Variants in DRC8 observed in about 807,000 individuals in gnomAD.
The protein encoded by DRC8 is dynein regulatory complex subunit 8.
At chr1:245,006,952 A>T in the DRC8 span, among the ~76,000 whole-genome samples, 776 of 102,020 alleles carry the variant, frequency 7.6e-3, 3 homozygotes, top group Middle Eastern at 0.025. Flanking sequence ...ACAAACAACA[A>T]CAACAACAAC....
chr1:245,028,993 C>G, the DRC8 span, among the ~76,000 whole-genome samples: 1 of 152,172 alleles, frequency 6.6e-6, no homozygotes, highest in South Asian at 2.1e-4. Context: ...TATGGCTTTT[C>G]TGTAGCGTTC....
At chr1:245,039,758 A>G in the DRC8 span, among the ~76,000 whole-genome samples, 7 of 152,072 alleles carry the variant, frequency 4.6e-5, no homozygotes, top group African/African-American at 1.7e-4. Flanking sequence ...TCTTTTTTAG[A>G]ATGTCCCTCA....
chr1:245,118,616 AC>A, the DRC8 span, among the ~76,000 whole-genome samples: 3 of 151,808 alleles, frequency 2.0e-5, no homozygotes, highest in East Asian at 5.8e-4. Context: ...ACAGGGAGAA[AC>A]CCCGTCTCTA....
At chr1:245,060,694 G>A in the DRC8 span, among the ~76,000 whole-genome samples, 1 of 152,310 alleles carries the variant, frequency 6.6e-6, no homozygotes, top group South Asian at 2.1e-4. Context: ...ACTAGAGGAC[G>A]AATTTACAGC....
the DRC8 span, among the ~76,000 whole-genome samples, chr1:244,985,600 A>G: frequency 6.6e-6 from 1 of 152,184 alleles, no homozygotes; most frequent in Non-Finnish European, 1.5e-5. Flanking sequence ...GTGGTGGCAC[A>G]CACCTGTAAT....
At chr1:245,009,028 CTTTTTTTTTTTT>C in the DRC8 span, among the ~76,000 whole-genome samples, 2 of 64,446 alleles carry the variant, frequency 3.1e-5, no homozygotes, top group Admixed American at 2.6e-4. Context: ...TTATGCTTTT[CTTTTTTTTTTTT>C]TTTTTTTTTT....
chr1:245,059,010 A>C, the DRC8 span, among the ~76,000 whole-genome samples: 12 of 152,330 alleles, frequency 7.9e-5, no homozygotes, highest in East Asian at 2.3e-3. Context: ...ACACTCTGAT[A>C]CTAATGTCAA....
chr1:245,105,379 T>A, the DRC8 span, among the ~76,000 whole-genome samples: 3 of 151,936 alleles, frequency 2.0e-5, no homozygotes, highest in Admixed American at 6.6e-5. Context: ...CCTTCTTCAT[T>A]TATGCAGTGG....
At chr1:245,069,842 G>T in the DRC8 span, among the ~76,000 whole-genome samples, 6 of 152,172 alleles carry the variant, frequency 3.9e-5, no homozygotes, top group African/African-American at 1.4e-4. Flanking sequence ...AGGAGTTCGG[G>T]ACCAGCCTGG....
the DRC8 span, among the ~76,000 whole-genome samples, chr1:245,120,390 C>T: frequency 7.2e-5 from 11 of 152,252 alleles, no homozygotes; most frequent in South Asian, 4.1e-4. Context: ...TATTCTATTG[C>T]GTGAATGTGC....
At chr1:244,978,891 T>G in the DRC8 span, among the ~76,000 whole-genome samples, 1 of 152,164 alleles carries the variant, frequency 6.6e-6, no homozygotes, top group African/African-American at 2.4e-5. Context: ...AAGATTTTGC[T>G]TGTTAGTGTC....
chr1:244,984,812 G>T, the DRC8 span, among the ~76,000 whole-genome samples: 1 of 148,882 alleles, frequency 6.7e-6, no homozygotes, highest in African/African-American at 2.5e-5. Flanking sequence ...TCCAGCCTGG[G>T]CGACAGAGCA....
chr1:245,080,128 AC>A, the DRC8 span, among the ~76,000 whole-genome samples: 2 of 152,180 alleles, frequency 1.3e-5, no homozygotes, highest in Non-Finnish European at 2.9e-5. Flanking sequence ...CTTAGCAGCA[AC>A]CTATAGTTTT....
chr1:245,065,987 T>A, the DRC8 span, among the ~76,000 whole-genome samples: 1 of 152,078 alleles, frequency 6.6e-6, no homozygotes, highest in Non-Finnish European at 1.5e-5. Flanking sequence ...CCCCTAATTT[T>A]AGTTCCTGGT....
the DRC8 span, among the ~76,000 whole-genome samples, chr1:245,094,284 C>T: frequency 6.6e-6 from 1 of 152,130 alleles, no homozygotes; most frequent in Non-Finnish European, 1.5e-5. Context: ...CTCGGAAAAC[C>T]CCCCTGTGCT....
the DRC8 span, among the ~76,000 whole-genome samples, chr1:245,072,214 A>G: frequency 6.6e-6 from 1 of 152,246 alleles, no homozygotes; most frequent in South Asian, 2.1e-4. Context: ...AATGTGGTAC[A>G]TCCAGACAAT....
At chr1:245,071,381 G>A in the DRC8 span, among the ~76,000 whole-genome samples, 2 of 152,182 alleles carry the variant, frequency 1.3e-5, no homozygotes, top group Non-Finnish European at 2.9e-5. Context: ...GTAGAAATAT[G>A]GATGGCAAAG....
At chr1:245,033,799 G>A in the DRC8 span, among the ~76,000 whole-genome samples, 43,177 of 151,658 alleles carry the variant, frequency 0.28, 6,403 homozygotes, top group Middle Eastern at 0.36. Flanking sequence ...TCGGCTCACT[G>A]TAGCCTCTGC....
At chr1:244,977,483 G>A in the DRC8 span, among the ~76,000 whole-genome samples, 13 of 151,974 alleles carry the variant, frequency 8.6e-5, no homozygotes, top group Non-Finnish European at 1.0e-4. Flanking sequence ...CCAGGAGTTC[G>A]AGACCAGCCT....
Sources: gnomAD v4.1 joint callset for allele counts (sites outside exome capture counted in the v4.1 genomes callset) on GRCh38, gnomAD v4.1.1 for gene constraint, MANE v1.5 for transcripts, NCBI Gene and HGNC (gene_info 2026-07-23, HGNC 2026-07-21) for gene names.